SASH1: variants seen among roughly 807,000 people sequenced by gnomAD.
SASH1 encodes SAM and SH3 domain-containing protein 1.
SASH1 carries 44 observed loss-of-function variants against 125.2 expected under a neutral mutation model. The ratio of observed to expected loss-of-function variants is 0.35; its 90% CI spans 0.28 to 0.45. The LOEUF is 0.45. Ranked by LOEUF, SASH1 falls within the 20% of genes least tolerant of loss-of-function variation. SASH1 has a pLI of 1.00. For missense variants in SASH1, 1,426 were observed against 1,614.5 expected, an observed-to-expected ratio of 0.88 and a Z score of 2.00; for synonymous variants, 639 against 649.1, an observed-to-expected ratio of 0.98 and a Z score of 0.24.
chr6:148,401,391 C>T (rs13192769), intron 2 of SASH1, among the ~76,000 whole-genome samples: 1 of 152,124 alleles, frequency 6.6e-6, no homozygotes, highest in Non-Finnish European at 1.5e-5. Flanking sequence ...ACAGCTCATA[C>T]CTTTCCCTTA....
chr6:148,378,272 T>TC (rs1460763788), intron 1 of SASH1, among the ~76,000 whole-genome samples: 2 of 151,988 alleles, frequency 1.3e-5, no homozygotes, highest in Admixed American at 1.3e-4. Context: ...CAGGCTAGTC[T>TC]CAAACTCCCA....
intron 1 of SASH1, among the ~76,000 whole-genome samples, chr6:148,326,333 T>TGC (rs1460386563): frequency 1.5e-5 from 1 of 65,638 alleles, no homozygotes; most frequent in Non-Finnish European, 2.8e-5. Context: ...CATATATATA[T>TGC]ATATATATAT....
chr6:148,390,072 G>A lies in SASH1; in HGVS notation c.157-62G>A, dbSNP rs958003129. The A allele has an allele frequency of 1.5e-5, 24 of 1,593,828 alleles. No homozygotes were observed. The African/African-American group carries it at 1.7e-4, about 12-fold the overall frequency. On this transcript the variant is annotated intron_variant, in intron 1 of 19. Transcript: ENST00000367467. ...ATTAACTCTGCGTAGAGGGAGGTCC[G>A]ATGGCTGTGGGCTTTTCCAGGGTGG...
At chr6:148,411,658 C>T (rs996040495) in intron 2 of SASH1, among the ~76,000 whole-genome samples, 5 of 152,150 alleles carry the variant, frequency 3.3e-5, no homozygotes, top group African/African-American at 1.2e-4. Flanking sequence ...ATTCTTGTGC[C>T]TTGGCCTCCC....
chr6:148,448,986 A>G (rs936288303), intron 4 of SASH1, among the ~76,000 whole-genome samples: 3 of 150,474 alleles, frequency 2.0e-5, no homozygotes, highest in South Asian at 2.1e-4. Context: ...CTGTTTTTCA[A>G]CTTCTATAGT....
chr6:148,389,645 C>T (rs1401813510), intron 1 of SASH1, among the ~76,000 whole-genome samples: 1 of 152,206 alleles, frequency 6.6e-6, no homozygotes, highest in African/African-American at 2.4e-5. Context: ...CCATCAGAAT[C>T]CCTGGGAGGG....
chr6:148,391,309 A>G (rs1783715169), intron 2 of SASH1, among the ~76,000 whole-genome samples: 1 of 151,564 alleles, frequency 6.6e-6, no homozygotes, highest in Admixed American at 6.6e-5. Flanking sequence ...GGGTTTCTCC[A>G]TGTTGGTCAG....
intron 8 of SASH1, chr6:148,508,774 A>G (rs9377143): frequency 0.19 from 238,227 of 1,240,060 alleles, 23,978 homozygotes; most frequent in East Asian, 0.47. Flanking sequence ...GAGATTGCGG[A>G]GTTTGATGCT....
At chr6:148,425,700 TTCTCCCCTCCCATCCCCC>T (rs1775783600) in intron 2 of SASH1, among the ~76,000 whole-genome samples, 1 of 23,802 alleles carries the variant, frequency 4.2e-5, no homozygotes, top group East Asian at 1.3e-3. Context: ...TCCCCTCCCC[TTCTCCCCTCCCATCCCCC>T]TCTCCCTTCC....
chr6:148,377,845 C>A (rs558168225), intron 1 of SASH1, among the ~76,000 whole-genome samples: 9 of 152,200 alleles, frequency 5.9e-5, no homozygotes, highest in African/African-American at 2.2e-4. Flanking sequence ...TTATTGAATG[C>A]CAGATGATCT....
the SASH1 span, among the ~76,000 whole-genome samples, chr6:148,220,856 G>T: frequency 6.6e-6 from 1 of 152,204 alleles, no homozygotes; most frequent in Non-Finnish European, 1.5e-5. Flanking sequence ...AGAGGTTGCA[G>T]TGAGCCGAGG....
At chr6:148,406,513 T>C (rs1232256979) in intron 2 of SASH1, among the ~76,000 whole-genome samples, 1 of 152,210 alleles carries the variant, frequency 6.6e-6, no homozygotes, top group Non-Finnish European at 1.5e-5. Flanking sequence ...AGCCAACATA[T>C]GCCTATCACC....
At chr6:148,441,017 T>C (rs1776522780) in intron 4 of SASH1, among the ~76,000 whole-genome samples, 1 of 152,236 alleles carries the variant, frequency 6.6e-6, no homozygotes, top group African/African-American at 2.4e-5. Flanking sequence ...GCAACATAAA[T>C]AAGACAAAAA....
intron 1 of SASH1, among the ~76,000 whole-genome samples, chr6:148,319,227 G>A (rs1355738468): frequency 6.6e-6 from 1 of 150,918 alleles, no homozygotes; most frequent in African/African-American, 2.4e-5. Context: ...GTGGAGACGG[G>A]GTTTCACCGT....
intron 17 of SASH1, among the ~76,000 whole-genome samples, chr6:148,541,065 AGAG>A (rs1283311935): frequency 2.0e-5 from 3 of 151,984 alleles, no homozygotes; most frequent in African/African-American, 7.3e-5. Context: ...CTCAAACAGA[AGAG>A]GAGTCTTAAG....
At chr6:148,209,622 T>C in the SASH1 span, among the ~76,000 whole-genome samples, 2,783 of 152,268 alleles carry the variant, frequency 0.018, 36 homozygotes, top group East Asian at 0.063. Context: ...GTACCAAGCA[T>C]CTTACCTCTC....
the SASH1 span, among the ~76,000 whole-genome samples, chr6:148,233,742 CAAAAAAA>C: frequency 0.013 from 765 of 60,544 alleles, 35 homozygotes; most frequent in Middle Eastern, 0.043. Context: ...TTCCTCTCTA[CAAAAAAA>C]AAAAAAAAAA....
At chr6:148,358,533 G>A (rs1782045020) in intron 1 of SASH1, among the ~76,000 whole-genome samples, 1 of 152,164 alleles carries the variant, frequency 6.6e-6, no homozygotes. Context: ...TATGGAGGCA[G>A]AGAGAAGCAC....
intron 4 of SASH1, among the ~76,000 whole-genome samples, chr6:148,461,072 A>G (rs1777592310): frequency 1.3e-5 from 2 of 152,210 alleles, no homozygotes; most frequent in African/African-American, 4.8e-5. Context: ...AGTGCCAGAC[A>G]CTGCGCAAAG....
Sources: gnomAD v4.1 joint callset for allele counts (sites outside exome capture counted in the v4.1 genomes callset) on GRCh38, gnomAD v4.1.1 for gene constraint, MANE v1.5 for transcripts, NCBI Gene and HGNC (gene_info 2026-07-23, HGNC 2026-07-21) for gene names.